MAN1A2: variants seen among roughly 807,000 people sequenced by gnomAD.
MAN1A2 encodes mannosyl-oligosaccharide 1,2-alpha-mannosidase IB.
MAN1A2 carries 26 observed loss-of-function variants against 75.7 expected under a neutral mutation model. That is an observed-to-expected ratio of 0.34 (90% CI 0.25 to 0.48). The LOEUF is 0.48. MAN1A2 is among the 20% of genes least tolerant of loss of function. The pLI is 0.99. For synonymous variants in MAN1A2, 247 were observed against 264.6 expected, an observed-to-expected ratio of 0.93 and a Z score of 0.65; for missense variants, 562 against 775.5, an observed-to-expected ratio of 0.72 and a Z score of 3.27.
rs1391076978 is a variant in MAN1A2, at chr1:117,526,874, CTCTCTCTA to C, written c.*3919_*3926del. On this transcript the variant is annotated 3_prime_UTR_variant, in exon 13 of 13. Transcript: ENST00000356554. The stretch of plus-strand genomic sequence containing the variant: ...TCTCTCTCTCTCTCTCTCTCTCTCT[CTCTCTCTA>C]TATATATATATATATATATATATAT... The C allele has an allele frequency of 9.7e-4, 72 of 73,950 alleles. No homozygotes were observed. Among genetic ancestry groups the C allele is most frequent in the South Asian group, 3.9e-3 (10 of 2,560 alleles). 4.6% of individuals were successfully genotyped at this position (73,950 alleles called of 1,614,324 possible). A position where few individuals can be genotyped will look rare whatever the true frequency, so the allele number is the denominator to read the frequency against.
intron 6 of MAN1A2, among the ~76,000 whole-genome samples, chr1:117,449,115 C>G (rs1053361325): frequency 6.6e-5 from 10 of 152,094 alleles, no homozygotes; most frequent in Non-Finnish European, 1.2e-4. Flanking sequence ...TCTGTTCTGA[C>G]GGCTCCACAG....
At chr1:117,399,627 T>C (rs2101750325) in intron 1 of MAN1A2, among the ~76,000 whole-genome samples, 1 of 152,308 alleles carries the variant, frequency 6.6e-6, no homozygotes, top group South Asian at 2.1e-4. Flanking sequence ...TGGTAACTCA[T>C]GATAGCAAGC....
rs1462215796 is a variant in MAN1A2 at position 117,442,283 on chromosome 1, A to G, written c.908A>G (p.Asn303Ser). The G allele has an allele frequency of 1.2e-6, 2 of 1,612,482 alleles. No homozygotes were observed. The highest frequency in any genetic ancestry group is 1.7e-6 in the Non-Finnish European group (2 of 1,178,536). ...QLAEKLLPAF[N>S]TPTGIPWAMV... ...GCTGAGAAACTCCTTCCTGCCTTTA[A>G]CACACCTACTGGGATTCCTTGGGCA... The change falls in exon 6 of 13, where the codon AAC becomes AGC. Residue 303 changes from asparagine to serine, a missense_variant. Transcript: ENST00000356554.
intron 6 of MAN1A2, among the ~76,000 whole-genome samples, chr1:117,446,871 A>G (rs1433856521): frequency 1.3e-5 from 2 of 152,130 alleles, no homozygotes; most frequent in African/African-American, 4.8e-5. Flanking sequence ...CGAAGTGTCA[A>G]AATATCCCAA....
chr1:117,496,688 T>C (rs1651044618), intron 9 of MAN1A2, 75 bp from the exon 10 acceptor site: 7 of 1,061,860 alleles, frequency 6.6e-6, no homozygotes, highest in Non-Finnish European at 9.9e-6. Flanking sequence ...GGTTTTATAA[T>C]GGCCAGAAGG....
chr1:117,389,130 A>G (rs1425486683), intron 1 of MAN1A2, among the ~76,000 whole-genome samples: 1 of 151,916 alleles, frequency 6.6e-6, no homozygotes, highest in Non-Finnish European at 1.5e-5. Flanking sequence ...ATCTAAAACA[A>G]CCCCCCAAAA....
At chr1:117,419,975 CATTT>C (rs1648134768) in intron 4 of MAN1A2, among the ~76,000 whole-genome samples, 1 of 151,888 alleles carries the variant, frequency 6.6e-6, no homozygotes, top group Admixed American at 6.6e-5. Context: ...TTTTTTTAAA[CATTT>C]ATTTCCAAAT....
At chr1:117,413,853 T>C (rs1647899794) in intron 3 of MAN1A2, among the ~76,000 whole-genome samples, 2 of 152,004 alleles carry the variant, frequency 1.3e-5, no homozygotes, top group Non-Finnish European at 2.9e-5. Flanking sequence ...ATTTATTTTT[T>C]TGCTGTACTA....
In MAN1A2 at chr1:117,524,774, C is replaced by T. The variant is rs1570812793; in HGVS notation, c.*1817C>T. 5.7e-6 allele frequency: 1 copy of T among 174,648 alleles called. No homozygotes were observed. The highest frequency in any genetic ancestry group is 1.2e-5 in the Non-Finnish European group (1 of 80,712). 10.8% of individuals were successfully genotyped at this position (174,648 alleles called of 1,614,324 possible). A position where few individuals can be genotyped will look rare whatever the true frequency, so the allele number is the denominator to read the frequency against. Reference sequence around the variant, plus strand: ...AGGATGCAGGGCCAGTTACAATAGTCCTTAAGAGAGTTAAATTATAGCACA... The same window carrying T: ...AGGATGCAGGGCCAGTTACAATAGTTCTTAAGAGAGTTAAATTATAGCACA... On this transcript the variant is annotated 3_prime_UTR_variant, in exon 13 of 13. Coordinates refer to ENST00000356554, the MANE Select transcript of MAN1A2 (RefSeq NM_006699.5).
In MAN1A2 at chr1:117,525,390, T is replaced by C. The variant is rs934402337; in HGVS notation, c.*2433T>C. 4.2e-5 allele frequency: 10 copies of C among 239,648 alleles called. No individual in the cohort carries two copies. Among genetic ancestry groups the C allele is most frequent in the Non-Finnish European group, 2.6e-5 (3 of 116,576 alleles). The allele number at this position is 239,648 out of a possible 1,614,324, so 14.8% of individuals were successfully genotyped here. ...ATGTTTTATTTTTGTTATAGATTTT[T>C]AAATTATTTCCTTCAAGATCAATTC... is the stretch of plus-strand genomic sequence containing the variant. On this transcript the variant is annotated 3_prime_UTR_variant, in exon 13 of 13. Transcript: ENST00000356554.
At chr1:117,379,817 C>T (rs1435149510) in intron 1 of MAN1A2, among the ~76,000 whole-genome samples, 1 of 152,064 alleles carries the variant, frequency 6.6e-6, no homozygotes, top group Non-Finnish European at 1.5e-5. Flanking sequence ...GGTATTAGCA[C>T]TTCATTTCTT....
intron 5 of MAN1A2, among the ~76,000 whole-genome samples, chr1:117,429,095 G>A (rs1351369545): frequency 1.4e-5 from 2 of 148,096 alleles, no homozygotes; most frequent in African/African-American, 5.0e-5. Flanking sequence ...CACAGCACAT[G>A]TTTCAGGGAG....
chr1:117,454,115 A>G (rs1202022676), intron 6 of MAN1A2, among the ~76,000 whole-genome samples: 1 of 152,258 alleles, frequency 6.6e-6, no homozygotes, highest in Non-Finnish European at 1.5e-5. Context: ...TAATGTAAAT[A>G]TAACTTTTAT....
At chr1:117,450,501 G>T (rs551864756) in intron 6 of MAN1A2, among the ~76,000 whole-genome samples, 1 of 152,326 alleles carries the variant, frequency 6.6e-6, no homozygotes, top group African/African-American at 2.4e-5. Context: ...ATTTGCATAA[G>T]TAACAGGGAG....
At chr1:117,393,139 A>G (rs1358507304) in intron 1 of MAN1A2, among the ~76,000 whole-genome samples, 1 of 152,196 alleles carries the variant, frequency 6.6e-6, no homozygotes, top group Non-Finnish European at 1.5e-5. Flanking sequence ...ACTTTTGGTC[A>G]TTTGTAAGAC....
intron 4 of MAN1A2, among the ~76,000 whole-genome samples, chr1:117,415,770 G>A (rs139341573): frequency 9.2e-5 from 14 of 152,056 alleles, no homozygotes; most frequent in African/African-American, 3.4e-4. Context: ...TGTTCTGTTG[G>A]CTTCAGTGTA....
chr1:117,503,048 A>G (rs1457275456), intron 12 of MAN1A2, 78 bp downstream of exon 12: 7 of 687,804 alleles, frequency 1.0e-5, no homozygotes, highest in Non-Finnish European at 1.4e-5. Flanking sequence ...AATTACAACT[A>G]TGTGACAGGT....
At chr1:117,509,431 C>T (rs1398000454) in intron 12 of MAN1A2, among the ~76,000 whole-genome samples, 1 of 151,906 alleles carries the variant, frequency 6.6e-6, no homozygotes, top group Non-Finnish European at 1.5e-5. Context: ...AGTGAGAGTA[C>T]ACTGGAAGTA....
At chr1:117,454,990 A>G (rs963265832) in intron 6 of MAN1A2, among the ~76,000 whole-genome samples, 3 of 152,190 alleles carry the variant, frequency 2.0e-5, no homozygotes, top group African/African-American at 7.2e-5. Context: ...GCAGGAATAG[A>G]GAAGGAAACA....
Sources: allele counts gnomAD v4.1 joint callset (sites outside exome capture counted in the v4.1 genomes callset), GRCh38; gene constraint gnomAD v4.1.1; transcripts MANE v1.5; gene names NCBI Gene and HGNC (gene_info 2026-07-23, HGNC 2026-07-21).